Variants in DOCK4 observed in about 807,000 individuals in gnomAD.
DOCK4 encodes dedicator of cytokinesis 4, also known as dedicator of cytokinesis protein 4.
A neutral mutation model predicts 268.1 loss-of-function variants in DOCK4; 97 were observed. The ratio of observed to expected loss-of-function variants is 0.36; its 90% CI spans 0.31 to 0.43. The LOEUF is 0.43. Ranked by LOEUF, DOCK4 falls within the 20% of genes least tolerant of loss-of-function variation. The pLI, the probability that DOCK4 is intolerant of heterozygous loss-of-function variation, is 1.00. For synonymous variants in DOCK4, 954 were observed against 887.2 expected (o/e 1.08, Z -1.34); for missense variants, 2,145 against 2,455.7 (o/e 0.87, Z 2.67).
At chr7:111,947,065 A>G (rs1795677674) in intron 8 of DOCK4, among the ~76,000 whole-genome samples, 1 of 152,226 alleles carries the variant, frequency 6.6e-6, no homozygotes, top group South Asian at 2.1e-4. Context: ...TGAGCACACA[A>G]CCAACATCTA....
chr7:112,084,272 T>A (rs1808862868), intron 1 of DOCK4, among the ~76,000 whole-genome samples: 1 of 152,184 alleles, frequency 6.6e-6, no homozygotes, highest in Non-Finnish European at 1.5e-5. Flanking sequence ...ACTGATGCAA[T>A]CATAAAGAAA....
At chr7:111,870,901 G>T (rs564250759) in intron 20 of DOCK4, among the ~76,000 whole-genome samples, 1 of 152,196 alleles carries the variant, frequency 6.6e-6, no homozygotes, top group East Asian at 1.9e-4. Context: ...TCACACTAGG[G>T]CCCAAATTGT....
intron 1 of DOCK4, among the ~76,000 whole-genome samples, chr7:112,141,078 C>G (rs1382698591): frequency 1.3e-5 from 2 of 152,164 alleles, no homozygotes; most frequent in Non-Finnish European, 2.9e-5. Context: ...TCTCTGGCAC[C>G]CTCTATTCCA....
chr7:111,856,378 T>C (rs1006398392), intron 23 of DOCK4, among the ~76,000 whole-genome samples: 6 of 152,218 alleles, frequency 3.9e-5, no homozygotes, highest in African/African-American at 1.4e-4. Context: ...TCATCTTAAG[T>C]TCTATGTGCA....
intron 12 of DOCK4, among the ~76,000 whole-genome samples, chr7:111,930,672 A>T (rs75399969): frequency 0.12 from 18,340 of 152,180 alleles, 1,282 homozygotes; most frequent in East Asian, 0.36. Context: ...CAGTTTAAAC[A>T]TTAGGCACCC....
At chr7:111,753,013 G>GGT (rs1554581795) in intron 42 of DOCK4, among the ~76,000 whole-genome samples, 1 of 141,722 alleles carries the variant, frequency 7.1e-6, no homozygotes, top group Non-Finnish European at 1.5e-5. Context: ...ATTGGGGGGG[G>GGT]GGTCTGTGAT....
At chr7:111,956,848 C>G (rs1430219478) in intron 8 of DOCK4, among the ~76,000 whole-genome samples, 1 of 152,144 alleles carries the variant, frequency 6.6e-6, no homozygotes, top group African/African-American at 2.4e-5. Context: ...ACTAAATTGA[C>G]TGAGATCTGT....
intron 45 of DOCK4, 136 bp from the exon 46 acceptor site, chr7:111,741,797 A>G: frequency 1.5e-6 from 2 of 1,315,394 alleles, no homozygotes; most frequent in South Asian, 1.6e-5. Flanking sequence ...AGCAAGTTCC[A>G]GTATTATTTG....
chr7:112,098,876 C>T (rs1810407801), intron 1 of DOCK4, among the ~76,000 whole-genome samples: 1 of 151,652 alleles, frequency 6.6e-6, no homozygotes, highest in African/African-American at 2.4e-5. Flanking sequence ...CCCAAATGAA[C>T]ATATACTGAT....
intron 47 of DOCK4, 33 bp downstream of exon 47, chr7:111,741,061 T>A: frequency 6.2e-7 from 1 of 1,611,636 alleles, no homozygotes; most frequent in Non-Finnish European, 8.5e-7. Context: ...AGAAAAGGAA[T>A]AAACACAACC....
intron 1 of DOCK4, among the ~76,000 whole-genome samples, chr7:112,048,096 G>C (rs533188104): frequency 6.6e-6 from 1 of 152,222 alleles, no homozygotes; most frequent in Non-Finnish European, 1.5e-5. Flanking sequence ...GACAAAGAAA[G>C]CATTTGAATA....
chr7:111,970,275 C>A (rs1797602186), intron 8 of DOCK4, among the ~76,000 whole-genome samples: 1 of 151,960 alleles, frequency 6.6e-6, no homozygotes. Flanking sequence ...TGTTAGAATA[C>A]CAGCTCCACC....
At chr7:112,065,805 G>A (rs1016537797) in intron 1 of DOCK4, among the ~76,000 whole-genome samples, 3 of 152,026 alleles carry the variant, frequency 2.0e-5, no homozygotes, top group African/African-American at 7.3e-5. Context: ...TACAAGTTAT[G>A]CAATAAGACA....
chr7:112,123,693 T>C (rs913418111), intron 1 of DOCK4, among the ~76,000 whole-genome samples: 2 of 152,242 alleles, frequency 1.3e-5, no homozygotes, highest in African/African-American at 4.8e-5. Context: ...GTAATACCCA[T>C]GGCAACTTGT....
chr7:111,884,902 T>C (rs1312542956), intron 16 of DOCK4, among the ~76,000 whole-genome samples: 1 of 152,196 alleles, frequency 6.6e-6, no homozygotes, highest in Non-Finnish European at 1.5e-5. Flanking sequence ...GAAACAGCTG[T>C]TGCCTAGAGT....
At chr7:112,121,982 T>G (rs1209662969) in intron 1 of DOCK4, among the ~76,000 whole-genome samples, 1 of 152,334 alleles carries the variant, frequency 6.6e-6, no homozygotes, top group South Asian at 2.1e-4. Flanking sequence ...GATTTACATT[T>G]ACTCCTGACT....
At chr7:111,889,684 G>T (rs1204767834) in intron 16 of DOCK4, among the ~76,000 whole-genome samples, 1 of 152,068 alleles carries the variant, frequency 6.6e-6, no homozygotes, top group Admixed American at 6.6e-5. Context: ...GGCCACAAAG[G>T]GTTTATGGAC....
intron 24 of DOCK4, among the ~76,000 whole-genome samples, chr7:111,845,107 A>G (rs993989881): frequency 1.3e-5 from 2 of 152,130 alleles, no homozygotes; most frequent in African/African-American, 4.8e-5. Flanking sequence ...CCTGAGATAC[A>G]AGTAAAAAGG....
intron 1 of DOCK4, among the ~76,000 whole-genome samples, chr7:112,118,383 G>C (rs1025382934): frequency 6.6e-6 from 1 of 152,092 alleles, no homozygotes; most frequent in African/African-American, 2.4e-5. Flanking sequence ...TCATTCAAAA[G>C]AGACAGGCAA....
Sources: gnomAD v4.1 joint callset for allele counts (sites outside exome capture counted in the v4.1 genomes callset) on GRCh38, gnomAD v4.1.1 for gene constraint, MANE v1.5 for transcripts, NCBI Gene and HGNC (gene_info 2026-07-23, HGNC 2026-07-21) for gene names.